ZNF354A: variants seen among roughly 807,000 people sequenced by gnomAD.
ZNF354A encodes zinc finger protein 354A.
In ZNF354A, 25 loss-of-function variants were observed where a neutral mutation model predicts 53.3. The observed-to-expected ratio is 0.47, with a 90% CI of 0.34 to 0.66. ZNF354A has a LOEUF of 0.66. Ranked by LOEUF, ZNF354A falls within the 30% of genes least tolerant of loss-of-function variation. The pLI, the probability that ZNF354A is intolerant of heterozygous loss-of-function variation, is 0.01. For synonymous variants in ZNF354A, 228 were observed against 249.0 expected, an observed-to-expected ratio of 0.92 and a Z score of 0.79; for missense variants, 586 against 716.8, an observed-to-expected ratio of 0.82 and a Z score of 2.08.
chr5:178,723,214 C>G (rs1765843291), intron 4 of ZNF354A, among the ~76,000 whole-genome samples: 1 of 152,244 alleles, frequency 6.6e-6, no homozygotes, highest in Non-Finnish European at 1.5e-5. Context: ...CTCCCCAGCA[C>G]AGGGGCTGTG....
chr5:178,726,325 T>G (rs1581749685), intron 3 of ZNF354A: 1 of 398,906 alleles, frequency 2.5e-6, no homozygotes. Context: ...GCTTTTTTTT[T>G]TTTGAGACAG....
rs1255721319 is a variant in ZNF354A, at chr5:178,712,970, C to T, written c.908G>A (p.Cys303Tyr). ...TGACCTTCGGCTGAAGGATTTACCACATTCTTTACATCTGTAGGATTTCTC... is the reference window on the plus strand; with the variant it reads ...TGACCTTCGGCTGAAGGATTTACCATATTCTTTACATCTGTAGGATTTCTC... ...TVEKSYRCKECGKSFSRRSGL... is the reference protein window; with the variant it reads ...TVEKSYRCKEYGKSFSRRSGL... Residue 303 changes from cysteine to tyrosine, a missense_variant, in exon 5 of 5, where the codon TGT becomes TAT. This residue lies in a region of ZNF354A where 573 missense variants were observed against 680.1 expected (regional missense o/e 0.84). Transcript: ENST00000335815. The T allele has an allele frequency of 1.7e-5, 28 of 1,614,022 alleles. No individual in the cohort carries two copies. The highest frequency in any genetic ancestry group is 2.4e-5 in the Non-Finnish European group (28 of 1,180,018).
chr5:178,727,790 A>G (rs545699925), intron 2 of ZNF354A, among the ~76,000 whole-genome samples: 1 of 152,338 alleles, frequency 6.6e-6, no homozygotes, highest in East Asian at 1.9e-4. Flanking sequence ...GTCACAGACA[A>G]GATAAGAAAT....
At chr5:178,727,726 A>T (rs1765938797) in intron 2 of ZNF354A, among the ~76,000 whole-genome samples, 1 of 152,250 alleles carries the variant, frequency 6.6e-6, no homozygotes, top group Non-Finnish European at 1.5e-5. Context: ...CATTCACAAC[A>T]ATCCTATCAA....
chr5:178,716,651 G>A (rs2113871396), intron 4 of ZNF354A, among the ~76,000 whole-genome samples: 2 of 152,260 alleles, frequency 1.3e-5, no homozygotes, highest in Middle Eastern at 6.8e-3. Context: ...AAGTCATGTG[G>A]ATAGCTGAAG....
chr5:178,722,119 T>C (rs1414525995), intron 4 of ZNF354A, among the ~76,000 whole-genome samples: 1 of 152,192 alleles, frequency 6.6e-6, no homozygotes, highest in African/African-American at 2.4e-5. Flanking sequence ...CCCTATGGGT[T>C]CATTTCTCTC....
chr5:178,725,922 A>G (rs958997871), intron 3 of ZNF354A, among the ~76,000 whole-genome samples: 9 of 151,922 alleles, frequency 5.9e-5, no homozygotes, highest in African/African-American at 2.2e-4. Context: ...ATCTTGGCTC[A>G]CTGCAACCTC....
rs376614896 is a variant in ZNF354A, at chr5:178,719,754, C to A, written c.256+5622G>T. On this transcript the variant is annotated intron_variant, in intron 4 of 4. Transcript: ENST00000335815. ...CGAGGTCAGGAGATCGAGACCATCC[C>A]GGCTAAAACGGTGAAACCCCGTCTC... Among the ~76,000 whole-genome samples the A allele has an allele frequency of 4.6e-3, 692 of 151,974 alleles. 7 individuals carry two copies. The highest frequency in any genetic ancestry group is 0.016 in the African/African-American group (661 of 41,458).
At chr5:178,729,872 G>GCTTCTTTTT (rs746292908) in intron 1 of ZNF354A, among the ~76,000 whole-genome samples, 29 of 143,300 alleles carry the variant, frequency 2.0e-4, no homozygotes, top group South Asian at 2.2e-4. Flanking sequence ...CTAACACGAT[G>GCTTCTTTTT]TTTCTTTTTT....
intron 4 of ZNF354A, among the ~76,000 whole-genome samples, chr5:178,718,440 G>A (rs1274507767): frequency 6.6e-6 from 1 of 152,162 alleles, no homozygotes; most frequent in African/African-American, 2.4e-5. Flanking sequence ...CCCAGAGAGT[G>A]TTTCTTCAAC....
At chr5:178,727,341 G>A (rs1039339453) in intron 2 of ZNF354A, among the ~76,000 whole-genome samples, 1 of 152,176 alleles carries the variant, frequency 6.6e-6, no homozygotes, top group African/African-American at 2.4e-5. Context: ...GTAAGAGATG[G>A]GTAGAGGAAT....
intron 4 of ZNF354A, among the ~76,000 whole-genome samples, chr5:178,719,036 T>G (rs969335111): frequency 2.0e-5 from 3 of 152,236 alleles, no homozygotes; most frequent in Non-Finnish European, 4.4e-5. Flanking sequence ...GTAGAGTGAC[T>G]TGCTCCTGAT....
chr5:178,712,071 C>T lies in ZNF354A; in HGVS notation c.1807G>A (p.Glu603Lys). The T allele has an allele frequency of 6.3e-7, 1 of 1,592,506 alleles. No homozygotes were observed. The highest frequency in any genetic ancestry group is 8.6e-7 in the Non-Finnish European group (1 of 1,169,192). ...LTNHYKIHIE[E>K]DP ...TACAAATCTACTTTCTAGGGGTCCT[C>T]TTCGATATGAATTTTATAATGATTA... Residue 603 changes from glutamate to lysine, a missense_variant, in exon 5 of 5, where the codon GAG becomes AAG. Coordinates refer to ENST00000335815, the MANE Select transcript of ZNF354A (RefSeq NM_005649.3).
intron 4 of ZNF354A, among the ~76,000 whole-genome samples, chr5:178,725,094 G>A (rs545797331): frequency 6.6e-6 from 1 of 152,264 alleles, no homozygotes. Flanking sequence ...TACACCCTGA[G>A]CTTCAGCCAG....
chr5:178,726,513 A>C (rs988511941), intron 3 of ZNF354A, among the ~76,000 whole-genome samples: 2 of 149,898 alleles, frequency 1.3e-5, no homozygotes, highest in Non-Finnish European at 3.0e-5. Context: ...CGTTAGCCAG[A>C]ATGGTCTCTA....
At chr5:178,729,866 C>T (rs1765995194) in intron 1 of ZNF354A, among the ~76,000 whole-genome samples, 1 of 118,650 alleles carries the variant, frequency 8.4e-6, no homozygotes, top group African/African-American at 2.8e-5. Context: ...CCATTTCTAA[C>T]ACGATGTTTC....
chr5:178,716,232 C>A (rs1478725938), intron 4 of ZNF354A, among the ~76,000 whole-genome samples: 1 of 152,120 alleles, frequency 6.6e-6, no homozygotes. Context: ...ATGTGGCAAA[C>A]TTCCTTAAGG....
At chr5:178,718,901 A>G (rs1765761164) in intron 4 of ZNF354A, among the ~76,000 whole-genome samples, 1 of 151,886 alleles carries the variant, frequency 6.6e-6, no homozygotes, top group Non-Finnish European at 1.5e-5. Flanking sequence ...CTTGGCTAAT[A>G]TTTTTATCTT....
intron 4 of ZNF354A, among the ~76,000 whole-genome samples, chr5:178,718,603 A>G (rs1765756689): frequency 6.6e-6 from 1 of 152,240 alleles, no homozygotes; most frequent in Non-Finnish European, 1.5e-5. Context: ...CTGAACCCAG[A>G]GCATTCCTTT....
Sources: allele counts gnomAD v4.1 joint callset (sites outside exome capture counted in the v4.1 genomes callset), GRCh38; gene constraint gnomAD v4.1.1; regional missense constraint gnomAD v4.1.1; transcripts MANE v1.5; gene names NCBI Gene and HGNC (gene_info 2026-07-23, HGNC 2026-07-21).